The following CHUK variants were observed in gnomAD, a reference collection of about 807,000 sequenced individuals.
The protein encoded by CHUK is inhibitor of nuclear factor kappa-B kinase subunit alpha.
In CHUK, 35 loss-of-function variants were observed where a neutral mutation model predicts 104.8. The observed-to-expected ratio is 0.33, with a 90% confidence interval of 0.26 to 0.44. The LOEUF (loss-of-function observed/expected upper bound fraction) is 0.44, where lower values mean the gene tolerates loss of function less well. CHUK is among the 20% of genes least tolerant of loss of function. The pLI is 1.00. For missense variants in CHUK, 663 were observed against 902.7 expected (o/e 0.73, Z 3.40); for synonymous variants, 276 against 291.9 (o/e 0.95, Z 0.56).
intron 9 of CHUK, among the ~76,000 whole-genome samples, chr10:100,210,064 GTTAT>G (rs1190793682): frequency 1.8e-3 from 255 of 142,482 alleles, no homozygotes; most frequent in Admixed American, 2.6e-3. Flanking sequence ...GAAAGAACAA[GTTAT>G]TTATTTATTT....
At chr10:100,211,041 G>A (rs1845716729) in intron 9 of CHUK, among the ~76,000 whole-genome samples, 1 of 152,184 alleles carries the variant, frequency 6.6e-6, no homozygotes, top group Non-Finnish European at 1.5e-5. Flanking sequence ...TCTCTCTGCT[G>A]AAAATCCTTA....
chr10:100,214,252 T>C (rs553591448), intron 9 of CHUK, among the ~76,000 whole-genome samples: 4 of 152,194 alleles, frequency 2.6e-5, no homozygotes, highest in Admixed American at 6.5e-5. Context: ...GTACCTACTA[T>C]TGGTAGGTAC....
At chr10:100,211,720 A>C (rs1389075128) in intron 9 of CHUK, among the ~76,000 whole-genome samples, 1 of 152,078 alleles carries the variant, frequency 6.6e-6, no homozygotes, top group South Asian at 2.1e-4. Flanking sequence ...CTTTTTCCCT[A>C]TCCATTCATC....
chr10:100,208,927 A>G (rs151322836), intron 10 of CHUK, among the ~76,000 whole-genome samples: 3 of 152,330 alleles, frequency 2.0e-5, no homozygotes, highest in African/African-American at 4.8e-5. Context: ...TCAGAATTAA[A>G]TAAGTTTTAT....
intron 16 of CHUK, chr10:100,195,418 C>A (rs1270248126): frequency 6.6e-6 from 1 of 152,154 alleles, no homozygotes; most frequent in East Asian, 1.9e-4. Context: ...AACGTTGTGT[C>A]CTTTGTTATC....
chr10:100,228,383 G>A (rs924780116), intron 1 of CHUK, among the ~76,000 whole-genome samples: 8 of 152,222 alleles, frequency 5.3e-5, no homozygotes, highest in African/African-American at 1.7e-4. Context: ...GCCTGGTGCC[G>A]TGGCTCACGC....
chr10:100,220,829 C>A (rs1845969549), intron 4 of CHUK, among the ~76,000 whole-genome samples, 153 bp from the exon 5 acceptor site: 1 of 151,874 alleles, frequency 6.6e-6, no homozygotes, highest in Non-Finnish European at 1.5e-5. Flanking sequence ...AGGTTTTCTT[C>A]ACAGAAAAAA....
At chr10:100,200,234 T>G (rs1845430127) in intron 15 of CHUK, among the ~76,000 whole-genome samples, 1 of 152,188 alleles carries the variant, frequency 6.6e-6, no homozygotes, top group Admixed American at 6.5e-5. Context: ...TTCTGATCTA[T>G]CATGGGGACA....
At position 100,223,000 on chromosome 10, in the gene CHUK, T is replaced by C. The variant is rs374398315; in HGVS notation, c.201-20A>G. 22 of 1,268,990 alleles carry C rather than the reference T, an allele frequency of 1.7e-5. No individual in the cohort carries two copies. In the African/African-American group the frequency reaches 3.1e-4, roughly 18 times the overall value. The allele number at this position is 1,268,990 out of a possible 1,614,324, so 78.6% of individuals were successfully genotyped here. ...TTCAACCTAATAAGAAAGAAAAACA[T>C]TACAATAAAAAAAATTATTTCCAAT... is the stretch of plus-strand genomic sequence containing the variant. On this transcript the variant is annotated intron_variant, in intron 2 of 20. Transcript: ENST00000370397.
At position 100,212,516 on chromosome 10, in the gene CHUK, A is replaced by C. The variant is rs1418698851; in HGVS notation, c.934-2727T>G. On this transcript the variant is annotated intron_variant, in intron 9 of 20. Transcript: ENST00000370397. ...TACATTTTTGGTATTGAGTTGCATG[A>C]GTTTCTTATAAATTTAGGATATTAA... Among the ~76,000 whole-genome samples, 3 of 152,070 alleles carry C rather than the reference A, an allele frequency of 2.0e-5. No homozygotes were observed. The East Asian group carries it at 5.8e-4, about 29-fold the overall frequency.
At chr10:100,209,018 A>G (rs527556658) in intron 10 of CHUK, among the ~76,000 whole-genome samples, 1 of 152,332 alleles carries the variant, frequency 6.6e-6, no homozygotes, top group East Asian at 1.9e-4. Context: ...CTGTGATTTA[A>G]TAGGAGACAA....
chr10:100,223,123 T>C (rs1336858310), intron 2 of CHUK, 143 bp from the exon 3 acceptor site: 6 of 533,300 alleles, frequency 1.1e-5, no homozygotes, highest in Non-Finnish European at 2.0e-5. Flanking sequence ...CTGATTTGTA[T>C]AATTAAAAAT....
chr10:100,223,333 C>G (rs1846032558), intron 2 of CHUK, among the ~76,000 whole-genome samples: 2 of 152,152 alleles, frequency 1.3e-5, no homozygotes, highest in South Asian at 4.1e-4. Context: ...CAAGATCACA[C>G]AGTGAGTAAG....
At chr10:100,212,484 G>A (rs1406109842) in intron 9 of CHUK, among the ~76,000 whole-genome samples, 4 of 151,866 alleles carry the variant, frequency 2.6e-5, no homozygotes, top group Admixed American at 2.6e-4. Context: ...TTTTAAATTG[G>A]GTTATTTACA....
At chr10:100,187,726 C>G (rs1385574164), downstream of CHUK, 1 of 152,326 alleles carries the variant, frequency 6.6e-6, no homozygotes, top group Non-Finnish European at 1.5e-5. Flanking sequence ...TTATATAGAT[C>G]AGGCTGCCCT....
At position 100,206,231 on chromosome 10, in the gene CHUK, T is replaced by C. The variant is rs149926901; in HGVS notation, c.1231+999A>G. Among the ~76,000 whole-genome samples the C allele has an allele frequency of 3.2e-3, 480 of 151,884 alleles. 1 individual carries two copies. Among genetic ancestry groups the C allele is most frequent in the African/African-American group, 0.011 (467 of 41,440 alleles). On this transcript the variant is annotated intron_variant, in intron 11 of 20. Coordinates refer to ENST00000370397, the MANE Select transcript of CHUK (RefSeq NM_001278.5). ...AAATGTAACAAATACATCATACTAATGTAAAATAGATTTTTTTTTACTTTT... is the reference window on the plus strand; with the variant it reads ...AAATGTAACAAATACATCATACTAACGTAAAATAGATTTTTTTTTACTTTT...
At chr10:100,197,613 G>T (rs74600450) in intron 16 of CHUK, among the ~76,000 whole-genome samples, 1 of 152,014 alleles carries the variant, frequency 6.6e-6, no homozygotes, top group Non-Finnish European at 1.5e-5. Flanking sequence ...CTATATTTAC[G>T]TTTTCTCTCT....
intron 20 of CHUK, chr10:100,190,518 A>G (rs1316668808): frequency 6.6e-6 from 2 of 300,804 alleles, no homozygotes; most frequent in Non-Finnish European, 1.3e-5. Context: ...GGGAGGTACC[A>G]TATCTGAATT....
In CHUK at chr10:100,218,989, G is replaced by GGGCATCCT. The variant is rs1272497011; in HGVS notation, c.689+18_689+19insAGGATGCC. The GGGCATCCT allele has an allele frequency of 1.2e-6, 2 of 1,613,762 alleles. No individual in the cohort carries two copies. The highest frequency in any genetic ancestry group is 2.2e-5 in the South Asian group (2 of 91,064). On this transcript the variant is annotated intron_variant, in intron 7 of 20. Transcript: ENST00000370397. ...TTCCATTCCCATTAAGCATGCCCAA[G>GGGCATCCT]TTCTCATCCATTTCTTACCAGGTAA...
Sources: allele counts gnomAD v4.1 joint callset (sites outside exome capture counted in the v4.1 genomes callset), GRCh38; gene constraint gnomAD v4.1.1; transcripts MANE v1.5; gene names NCBI Gene and HGNC (gene_info 2026-07-23, HGNC 2026-07-21).